PCDHA1: variants seen among roughly 807,000 people sequenced by gnomAD.
PCDHA1 encodes the protein protocadherin alpha-1.
In PCDHA1, 42 loss-of-function variants were observed where a neutral mutation model predicts 61.3. The observed-to-expected ratio is 0.69, with a 90% CI of 0.54 to 0.89. The LOEUF is 0.89. Ranked by LOEUF, PCDHA1 falls within the 40% of genes least tolerant of loss-of-function variation. The pLI is 0.00. For missense variants in PCDHA1, 1,256 were observed against 1,235.3 expected (o/e 1.02, Z -0.25); for synonymous variants, 610 against 553.8 (o/e 1.10, Z -1.43).
chr5:140,801,138 G>A (rs1310225989), intron 1 of PCDHA1: 2 of 1,525,294 alleles, frequency 1.3e-6, no homozygotes, highest in East Asian at 2.3e-5. Flanking sequence ...TAAGGAACTC[G>A]AATTATTTTT....
chr5:140,871,141 C>T (rs1431247385), intron 1 of PCDHA1: 1 of 1,613,320 alleles, frequency 6.2e-7, no homozygotes, highest in Admixed American at 1.7e-5. Context: ...GGCCTCTTCC[C>T]GGACTTTGGC....
intron 3 of PCDHA1, among the ~76,000 whole-genome samples, chr5:140,989,557 G>A (rs933151682): frequency 6.6e-6 from 1 of 152,166 alleles, no homozygotes; most frequent in Non-Finnish European, 1.5e-5. Context: ...TTTACGTTTT[G>A]TGGCTCCGGC....
At chr5:140,894,740 AT>A (rs1157881854) in intron 1 of PCDHA1, among the ~76,000 whole-genome samples, 3 of 150,972 alleles carry the variant, frequency 2.0e-5, no homozygotes, top group Non-Finnish European at 3.0e-5. Flanking sequence ...AATTTGTGGA[AT>A]TTTTTTTCTT....
chr5:140,905,664 T>A (rs1456741391), intron 1 of PCDHA1, among the ~76,000 whole-genome samples: 1 of 152,246 alleles, frequency 6.6e-6, no homozygotes, highest in African/African-American at 2.4e-5. Flanking sequence ...CTGTCATCCA[T>A]TAACATGGAA....
At position 140,786,749 on chromosome 5, in the gene PCDHA1, G is replaced by A. The variant is rs1202613699; in HGVS notation, c.459G>A (p.Pro153=). ...PESRLLNSRF[P]IEGAADADIG... ...CTAGACTCCTGAATTCGCGTTTTCC[G>A]ATAGAAGGAGCTGCTGATGCAGACA... Residue 153 remains proline, a synonymous_variant, in exon 1 of 4, where the codon CCG becomes CCA. Coordinates refer to ENST00000504120, the MANE Select transcript of PCDHA1 (RefSeq NM_018900.4). The A allele has an allele frequency of 1.2e-6, 2 of 1,614,094 alleles. No individual in the cohort carries two copies. Among genetic ancestry groups the A allele is most frequent in the Non-Finnish European group, 1.7e-6 (2 of 1,180,054 alleles).
chr5:140,848,947 G>T lies in PCDHA1; in HGVS notation c.2394+60263G>T, dbSNP rs201305186. ...GCGGAATCCAGGCCGCTTGACTCTC[G>T]GTTTCCACTAGAGGGCGCGTCCGAT... is the stretch of plus-strand genomic sequence containing the variant. On this transcript the variant is annotated intron_variant, in intron 1 of 3. Coordinates refer to ENST00000504120, the MANE Select transcript of PCDHA1 (RefSeq NM_018900.4). 2.7e-4 allele frequency: 426 copies of T among 1,606,834 alleles called. 2 individuals are homozygous for T. The highest frequency in any genetic ancestry group is 3.5e-4 in the Non-Finnish European group (408 of 1,176,678).
chr5:140,805,982 T>C (rs149261782), intron 1 of PCDHA1, among the ~76,000 whole-genome samples: 2 of 152,292 alleles, frequency 1.3e-5, no homozygotes, highest in East Asian at 1.9e-4. Flanking sequence ...CTTTAAAATA[T>C]ATATTCCAAA....
intron 1 of PCDHA1, among the ~76,000 whole-genome samples, chr5:140,942,620 A>T (rs1304224304): frequency 1.4e-4 from 4 of 28,710 alleles, no homozygotes; most frequent in Admixed American, 3.3e-4. Context: ...TGCCAATTGT[A>T]AAAAAAAAAA....
In PCDHA1 at chr5:140,787,385, C is replaced by T. The variant is rs1554117794; in HGVS notation, c.1095C>T (p.Leu365=). The change falls in exon 1 of 4, where the codon CTC becomes CTT. Residue 365 remains leucine (L), a synonymous_variant. Transcript: ENST00000504120. The part of the protein sequence containing the change: ...LYLPIREDAP[L]STVIALITVS... ...TGCCTATCAGAGAGGACGCTCCACT[C>T]AGCACCGTCATCGCCCTCATCACCG... 3 of 1,614,240 alleles carry T rather than the reference C, an allele frequency of 1.9e-6. No individual in the cohort carries two copies. The highest frequency in any genetic ancestry group is 1.1e-5 in the South Asian group (1 of 91,086).
intron 1 of PCDHA1, among the ~76,000 whole-genome samples, chr5:140,973,636 T>C (rs535388717): frequency 6.6e-6 from 1 of 152,234 alleles, no homozygotes; most frequent in Non-Finnish European, 1.5e-5. Flanking sequence ...CTTGTACACA[T>C]TCTGACTGAA....
intron 1 of PCDHA1, among the ~76,000 whole-genome samples, chr5:140,962,883 T>C (rs570394633): frequency 5.6e-4 from 86 of 152,222 alleles, no homozygotes; most frequent in Non-Finnish European, 1.0e-3. Flanking sequence ...ATACATGAAT[T>C]AAAAAATGAA....
chr5:140,990,427 AC>A (rs1488981685), intron 3 of PCDHA1, among the ~76,000 whole-genome samples: 5 of 152,174 alleles, frequency 3.3e-5, no homozygotes, highest in African/African-American at 1.2e-4. Flanking sequence ...ACCAGCATTG[AC>A]CCAATCTTGT....
In PCDHA1 at chr5:140,820,651, T is replaced by A. The variant is rs2150107466; in HGVS notation, c.2394+31967T>A. On this transcript the variant is annotated intron_variant, in intron 1 of 3. Coordinates refer to ENST00000504120, the MANE Select transcript of PCDHA1 (RefSeq NM_018900.4). ...AGTAAACAGTTGGGAGATTAAAAAG[T>A]AATTAAACTAATATAAAGATAGCCT... Among the ~76,000 whole-genome samples the A allele has an allele frequency of 2.6e-5, 4 of 152,146 alleles. No homozygotes were observed. In the East Asian group the frequency reaches 5.8e-4, roughly 22 times the overall value.
At chr5:140,828,345 T>C in intron 1 of PCDHA1, 2 of 1,614,224 alleles carry the variant, frequency 1.2e-6, no homozygotes, top group Non-Finnish European at 1.7e-6. Context: ...GGCATTTTGT[T>C]TGTGAATTCT....
intron 1 of PCDHA1, chr5:140,803,931 T>G (rs1329228144): frequency 1.1e-5 from 5 of 442,782 alleles, no homozygotes; most frequent in South Asian, 2.9e-5. Flanking sequence ...TTTATACTTA[T>G]CCCTATACAA....
intron 1 of PCDHA1, chr5:140,803,506 T>C (rs1554122852): frequency 6.2e-7 from 1 of 1,614,120 alleles, no homozygotes; most frequent in Non-Finnish European, 8.5e-7. Flanking sequence ...ACCGACCTCA[T>C]GGCTTTTAGC....
Position 141,010,072 on chromosome 5 carries a change from C to T in PCDHA1, c.*135C>T. The T allele has an allele frequency of 3.1e-6, 5 of 1,606,334 alleles. No individual in the cohort carries two copies. The highest frequency in any genetic ancestry group is 4.3e-6 in the Non-Finnish European group (5 of 1,176,104). On this transcript the variant is annotated 3_prime_UTR_variant, in exon 4 of 4. Transcript: ENST00000504120. Reference sequence around the variant, plus strand: ...ACCTCAGAAATCTGCAGAAAGTTCCCTGTGTCTGTCTAGAACGCATTTAAC... The same window carrying T: ...ACCTCAGAAATCTGCAGAAAGTTCCTTGTGTCTGTCTAGAACGCATTTAAC...
intron 1 of PCDHA1, chr5:140,849,490 G>A: frequency 6.3e-7 from 1 of 1,592,564 alleles, no homozygotes; most frequent in African/African-American, 1.4e-5. Context: ...CCCCTGGCTG[G>A]TCATTGTACA....
chr5:140,991,923 C>T (rs996562269), intron 3 of PCDHA1, among the ~76,000 whole-genome samples: 1 of 152,088 alleles, frequency 6.6e-6, no homozygotes, highest in Non-Finnish European at 1.5e-5. Flanking sequence ...TGTAACATAA[C>T]ATATTCACAA....
Sources: allele counts gnomAD v4.1 joint callset (sites outside exome capture counted in the v4.1 genomes callset), GRCh38; gene constraint gnomAD v4.1.1; transcripts MANE v1.5; gene names NCBI Gene and HGNC (gene_info 2026-07-23, HGNC 2026-07-21).